The following ALDH3A2 variants were observed in gnomAD, a reference collection of about 807,000 sequenced individuals.
ALDH3A2 encodes the protein aldehyde dehydrogenase 3 family member A2.
Under a neutral mutation model 51.3 loss-of-function variants are expected in ALDH3A2, and 36 were observed. The ratio of observed to expected loss-of-function variants is 0.70; its 90% CI spans 0.54 to 0.93. The LOEUF (loss-of-function observed/expected upper bound fraction) is 0.93, where lower values mean the gene tolerates loss of function less well. ALDH3A2 is among the 40% of genes least tolerant of loss of function. The probability of loss-of-function intolerance (pLI) is 0.00; values close to 1 mark genes in which losing one functional copy is unlikely to be tolerated. For missense variants in ALDH3A2, 552 were observed against 603.1 expected, an observed-to-expected ratio of 0.92 and a Z score of 0.89; for synonymous variants, 199 against 219.8, an observed-to-expected ratio of 0.91 and a Z score of 0.84.
intron 8 of ALDH3A2, among the ~76,000 whole-genome samples, chr17:19,665,752 T>C (rs964986555): frequency 6.6e-6 from 1 of 152,166 alleles, no homozygotes; most frequent in African/African-American, 2.4e-5. Flanking sequence ...CTAGGCTAGG[T>C]GGGCTTTTCT....
In ALDH3A2 at chr17:19,648,757, C is replaced by G; in HGVS notation, c.-215C>G. 1.6e-6 allele frequency: 1 copy of G among 642,120 alleles called. No homozygotes were observed. The highest frequency in any genetic ancestry group is 2.8e-5 in the East Asian group (1 of 35,794). The allele number at this position is 642,120 out of a possible 1,614,324, so 39.8% of individuals were successfully genotyped here. Reference sequence around the variant, plus strand: ...GAGGCTTTGGGTCGAGCTCAGTCCTCCCCCGGCGCCTCCGACTGGCAGTGG... The same window carrying G: ...GAGGCTTTGGGTCGAGCTCAGTCCTGCCCCGGCGCCTCCGACTGGCAGTGG... On this transcript the variant is annotated 5_prime_UTR_variant, in exon 1 of 10. Coordinates refer to ENST00000176643, the MANE Select transcript of ALDH3A2 (RefSeq NM_000382.3).
rs1422065648 is a variant in ALDH3A2 at position 19,675,571 on chromosome 17, G to A, written c.1457G>A (p.Ter486=). ...AAVLVKAEYY[*] is the part of the protein sequence containing the mutation. ...TCCTCTCTCCAGGCAGAATATTACTGAAGAATGATCCTGTTCAACCTCCTA... is the reference window on the plus strand; with the variant it reads ...TCCTCTCTCCAGGCAGAATATTACTAAAGAATGATCCTGTTCAACCTCCTA... Residue 486 remains the stop codon, a stop_retained_variant, in exon 10 of 10, where the codon TGA becomes TAA. Coordinates refer to ENST00000176643, the MANE Select transcript of ALDH3A2 (RefSeq NM_000382.3). The A allele has an allele frequency of 1.2e-6, 2 of 1,613,668 alleles. No individual in the cohort carries two copies. The highest frequency in any genetic ancestry group is 3.3e-5 in the Admixed American group (2 of 60,020).
At chr17:19,651,342 T>G (rs1228277057) in intron 1 of ALDH3A2, among the ~76,000 whole-genome samples, 1 of 152,236 alleles carries the variant, frequency 6.6e-6, no homozygotes, top group African/African-American at 2.4e-5. Context: ...AAATAATCTT[T>G]GATTTTTTTA....
At position 19,664,989 on chromosome 17, in the gene ALDH3A2, C is replaced by T. The variant is rs534832147; in HGVS notation, c.1149C>T (p.Val383=). ...TTGATGAGACATCCAGTGGAGGTGT[C>T]ACAGGCAATGACGTCATTATGCACT... ...RMIDETSSGG[V]TGNDVIMHFT... is the part of the protein sequence containing the mutation. Residue 383 remains valine (V), a synonymous_variant, in exon 8 of 10, where the codon GTC becomes GTT. Coordinates refer to ENST00000176643, the MANE Select transcript of ALDH3A2 (RefSeq NM_000382.3). 2 of 1,613,986 alleles carry T rather than the reference C, an allele frequency of 1.2e-6. No individual in the cohort carries two copies. The highest frequency in any genetic ancestry group is 2.7e-5 in the African/African-American group (2 of 75,008).
rs760611340 is a variant in ALDH3A2, at chr17:19,671,845, C to T, written c.1332C>T (p.Ser444=). ...GANKLRYPPN[S]QSKVDWGKFF... is the part of the protein sequence containing the mutation. ...ACAAACTCAGATATCCTCCCAACAGCCAGTCAAAGGTGGATTGGGGAAAAT... is the reference window on the plus strand; with the variant it reads ...ACAAACTCAGATATCCTCCCAACAGTCAGTCAAAGGTGGATTGGGGAAAAT... Residue 444 remains serine (S), a synonymous_variant, in exon 9 of 10, where the codon AGC becomes AGT. Coordinates refer to ENST00000176643, the MANE Select transcript of ALDH3A2 (RefSeq NM_000382.3). 17 of 1,613,998 alleles carry T rather than the reference C, an allele frequency of 1.1e-5. No individual in the cohort carries two copies. In the East Asian group the frequency reaches 3.6e-4, roughly 34 times the overall value.
rs551357713 is a variant in ALDH3A2, at chr17:19,666,396, C to CT, written c.1207+1350dup. On this transcript the variant is annotated intron_variant, in intron 8 of 9. Transcript: ENST00000176643. ...TTCCATATGGTGTCTCCACTGCCCT[C>CT]TAATTGCAAATCTAAGTGACTTGGG... is the stretch of plus-strand genomic sequence containing the variant. 3.5e-4 allele frequency among the ~76,000 whole-genome samples: 54 copies of CT among 152,310 alleles called. 1 individual carries two copies. The highest frequency in any genetic ancestry group is 1.3e-3 in the African/African-American group (52 of 41,566).
At chr17:19,649,894 GT>G in intron 1 of ALDH3A2, 2 of 158,682 alleles carry the variant, frequency 1.3e-5, no homozygotes, top group Non-Finnish European at 1.4e-5. Flanking sequence ...TGTGTGTGTG[GT>G]TTTTTTGTTT....
At chr17:19,655,432 C>T (rs1229721383) in intron 3 of ALDH3A2, 1 of 152,202 alleles carries the variant, frequency 6.6e-6, no homozygotes, top group African/African-American at 2.4e-5. Flanking sequence ...CAATAACTGA[C>T]TCTGTCCGGA....
chr17:19,656,029 C>T, intron 3 of ALDH3A2: 1 of 371,052 alleles, frequency 2.7e-6, no homozygotes, highest in South Asian at 2.2e-5. Context: ...GGGAGCCACT[C>T]TTCACCAGAG....
At chr17:19,653,565 G>C (rs112305054) in intron 3 of ALDH3A2, among the ~76,000 whole-genome samples, 1 of 151,436 alleles carries the variant, frequency 6.6e-6, no homozygotes, top group African/African-American at 2.4e-5. Flanking sequence ...TTAAGGCGGC[G>C]CATCTGGAGT....
intron 8 of ALDH3A2, among the ~76,000 whole-genome samples, chr17:19,671,220 G>A (rs2085108219): frequency 6.6e-6 from 1 of 152,214 alleles, no homozygotes; most frequent in South Asian, 2.1e-4. Flanking sequence ...GCAAGTGGGT[G>A]TGTGGGGCCA....
At chr17:19,648,274 C>G (rs1316628399), upstream of ALDH3A2, 2 of 152,442 alleles carry the variant, frequency 1.3e-5, no homozygotes, top group Admixed American at 6.5e-5. Flanking sequence ...CGGTCAGTGC[C>G]GGTCGAGGCA....
At chr17:19,669,318 C>CA (rs961474763) in intron 8 of ALDH3A2, among the ~76,000 whole-genome samples, 6 of 151,560 alleles carry the variant, frequency 4.0e-5, no homozygotes, top group African/African-American at 9.7e-5. Flanking sequence ...AACAAACAAA[C>CA]AAAAAAAACA....
At chr17:19,667,636 G>A (rs924858928) in intron 8 of ALDH3A2, among the ~76,000 whole-genome samples, 4 of 151,748 alleles carry the variant, frequency 2.6e-5, no homozygotes, top group Non-Finnish European at 5.9e-5. Context: ...TCAGCTCATT[G>A]CAACCTCCAA....
chr17:19,656,710 C>T (rs1413132763), intron 4 of ALDH3A2, 136 bp downstream of exon 4: 1 of 892,564 alleles, frequency 1.1e-6, no homozygotes, highest in Non-Finnish European at 1.8e-6. Flanking sequence ...TTGATGTCCT[C>T]AAGAGTAACA....
rs2084993849 is a variant in ALDH3A2, at chr17:19,663,404, C to T, written c.1012C>T (p.Pro338Ser). Residue 338 changes from proline to serine, a missense_variant, in exon 7 of 10, where the codon CCA (proline) becomes TCA (serine). Physicochemically the swap from Pro to Ser is moderately conservative, Grantham distance 74 (BLOSUM62 -1). Coordinates refer to ENST00000176643, the MANE Select transcript of ALDH3A2 (RefSeq NM_000382.3). Reference sequence around the variant, plus strand: ...AGAAGAAATTTTTGGACCAATTCTTCCAATAGTGCCTGTGAAAAATGTAGA... The same window carrying T: ...AGAAGAAATTTTTGGACCAATTCTTTCAATAGTGCCTGTGAAAAATGTAGA... ...MQEEIFGPIL[P>S]IVPVKNVDEA... is the part of the protein sequence containing the mutation. 6.2e-7 allele frequency: 1 copy of T among 1,614,004 alleles called. No individual in the cohort carries two copies. The highest frequency in any genetic ancestry group is 1.7e-5 in the Admixed American group (1 of 60,002).
Position 19,656,470 on chromosome 17 carries a change from TG to T in ALDH3A2, c.577del (p.Val193SerfsTer9), listed in dbSNP as rs1057516851. ...CGGGAAACACTGCGGTTGGCAAAATTGTCATGGAAGCTGCTGCCAAGCATCT... is the reference window on the plus strand; with the variant it reads ...CGGGAAACACTGCGGTTGGCAAAATTTCATGGAAGCTGCTGCCAAGCATCT... Reference protein sequence around the residue: ...YTGNTAVGKIVMEAAAKHLTP... With the variant: ...YTGNTAVGKIXMEAAAKHLTP... On this transcript the variant is annotated frameshift_variant, in exon 4 of 10. Coordinates refer to ENST00000176643, the MANE Select transcript of ALDH3A2 (RefSeq NM_000382.3). LOFTEE classifies it high-confidence loss of function. 1.2e-6 allele frequency: 2 copies of T among 1,614,164 alleles called. No homozygotes were observed. Among genetic ancestry groups the T allele is most frequent in the Non-Finnish European group, 1.7e-6 (2 of 1,180,026 alleles).
At chr17:19,653,696 C>A (rs916102170) in intron 3 of ALDH3A2, among the ~76,000 whole-genome samples, 1 of 152,122 alleles carries the variant, frequency 6.6e-6, no homozygotes, top group African/African-American at 2.4e-5. Flanking sequence ...GCAGTGCGGA[C>A]CCAGAGTGAG....
At chr17:19,668,517 G>C (rs921285573) in intron 8 of ALDH3A2, among the ~76,000 whole-genome samples, 2 of 152,254 alleles carry the variant, frequency 1.3e-5, no homozygotes, top group South Asian at 4.1e-4. Flanking sequence ...CAAAGTGCTG[G>C]GATTACAGGC....
Sources: allele counts gnomAD v4.1 joint callset (sites outside exome capture counted in the v4.1 genomes callset), GRCh38; gene constraint gnomAD v4.1.1; transcripts MANE v1.5; gene names NCBI Gene and HGNC (gene_info 2026-07-23, HGNC 2026-07-21).